The following DDR2 variants were observed in gnomAD, a reference collection of about 807,000 sequenced individuals.
DDR2 encodes the protein discoidin domain receptor tyrosine kinase 2.
In DDR2, 27 loss-of-function variants were observed where a neutral mutation model predicts 94.9. The observed-to-expected ratio is 0.28, with a 90% CI of 0.21 to 0.39. DDR2 has a LOEUF of 0.39. DDR2 is among the 10% of genes least tolerant of loss of function. The pLI is 1.00. For synonymous variants in DDR2, 382 were observed against 377.2 expected (o/e 1.01, Z -0.15); for missense variants, 783 against 1,076.0 (o/e 0.73, Z 3.81).
intron 3 of DDR2, among the ~76,000 whole-genome samples, chr1:162,733,795 A>G (rs1662168715): frequency 6.6e-6 from 1 of 152,228 alleles, no homozygotes; most frequent in Non-Finnish European, 1.5e-5. Flanking sequence ...CACAATTTCA[A>G]CAAGGAGGTA....
intron 3 of DDR2, among the ~76,000 whole-genome samples, chr1:162,729,397 A>G (rs1199965377): frequency 2.0e-5 from 3 of 149,100 alleles, no homozygotes; most frequent in Non-Finnish European, 4.4e-5. Context: ...GGATGTGGCA[A>G]GATAACCCTC....
intron 1 of DDR2, among the ~76,000 whole-genome samples, chr1:162,654,373 G>A (rs1571150505): frequency 6.6e-6 from 1 of 152,018 alleles, no homozygotes; most frequent in Non-Finnish European, 1.5e-5. Flanking sequence ...TTGAGCCTGG[G>A]GGTTCAAGGC....
At chr1:162,766,717 G>A (rs1159867286) in intron 10 of DDR2, among the ~76,000 whole-genome samples, 1 of 152,136 alleles carries the variant, frequency 6.6e-6, no homozygotes, top group African/African-American at 2.4e-5. Flanking sequence ...TCTTATGGAA[G>A]AGGGAAATAG....
rs529436164 is a variant in DDR2 at position 162,784,386 on chromosome 1, C to T, written c.*4140C>T. ...AATTTATAGACCTGGAATTTGCCAT[C>T]CTAGTCTTTCCTTTTTAGTAAGACT... is the stretch of plus-strand genomic sequence containing the variant. On this transcript the variant is annotated 3_prime_UTR_variant, in exon 18 of 18. Transcript: ENST00000367921. 113 of 154,226 alleles carry T rather than the reference C, an allele frequency of 7.3e-4. No homozygotes were observed. The highest frequency in any genetic ancestry group is 2.6e-3 in the African/African-American group (108 of 41,554). 9.6% of individuals were successfully genotyped at this position (154,226 alleles called of 1,614,324 possible).
chr1:162,651,711 T>C (rs1183726942), intron 1 of DDR2, among the ~76,000 whole-genome samples: 1 of 152,178 alleles, frequency 6.6e-6, no homozygotes, highest in African/African-American at 2.4e-5. Flanking sequence ...AAAACAATAA[T>C]CTATTGAAAT....
Position 162,761,457 on chromosome 1 carries a change from A to G in DDR2, c.1099+3A>G. The G allele has an allele frequency of 6.2e-7, 1 of 1,614,182 alleles. No homozygotes were observed. ...CAGTGAGATCACCTTCCAATCAGGT[A>G]GGGAGCTCAGGTCCTCTTTGGGAAG... On this transcript the variant is annotated splice_donor_region_variant and intron_variant, in intron 9 of 17. Coordinates refer to ENST00000367921, the MANE Select transcript of DDR2 (RefSeq NM_006182.4).
intron 1 of DDR2, among the ~76,000 whole-genome samples, chr1:162,645,828 T>A (rs1657380718): frequency 6.6e-6 from 1 of 152,182 alleles, no homozygotes; most frequent in African/African-American, 2.4e-5. Context: ...GGGTTAGCAT[T>A]GTGTTGATAT....
intron 1 of DDR2, among the ~76,000 whole-genome samples, chr1:162,654,945 A>C (rs962738635): frequency 2.4e-4 from 36 of 152,236 alleles, no homozygotes; most frequent in African/African-American, 8.7e-4. Context: ...TTTTTATAAC[A>C]ATTATTATTC....
chr1:162,706,458 C>A (rs1311305683), intron 2 of DDR2, among the ~76,000 whole-genome samples: 1 of 152,212 alleles, frequency 6.6e-6, no homozygotes, highest in Non-Finnish European at 1.5e-5. Context: ...TGAAGGAAAG[C>A]ATACATTTAC....
chr1:162,658,502 C>G (rs1658120314), intron 2 of DDR2, among the ~76,000 whole-genome samples: 1 of 151,916 alleles, frequency 6.6e-6, no homozygotes, highest in Non-Finnish European at 1.5e-5. Context: ...TGTCCCTCCA[C>G]CAGAGAGAGA....
Position 162,785,231 on chromosome 1 carries a change from G to A in DDR2, c.*4985G>A, listed in dbSNP as rs1174531283. The stretch of plus-strand genomic sequence containing the variant: ...TCTAGATGCTTCCTGCTGCTTCTAC[G>A]TGAGTAGGATTAGCACTGGGGACAA... On this transcript the variant is annotated 3_prime_UTR_variant, in exon 18 of 18. Transcript: ENST00000367921. The A allele has an allele frequency of 2.0e-5, 3 of 152,100 alleles. No individual in the cohort carries two copies. The highest frequency in any genetic ancestry group is 4.8e-5 in the African/African-American group (2 of 41,420). 9.4% of individuals were successfully genotyped at this position (152,100 alleles called of 1,614,324 possible).
chr1:162,742,788 G>A (rs947952611), intron 3 of DDR2, among the ~76,000 whole-genome samples: 1 of 152,202 alleles, frequency 6.6e-6, no homozygotes, highest in Non-Finnish European at 1.5e-5. Context: ...CCACATAGCC[G>A]GGGAGGCCTC....
intron 1 of DDR2, among the ~76,000 whole-genome samples, chr1:162,635,618 G>C (rs1487181314): frequency 1.3e-5 from 2 of 152,170 alleles, no homozygotes; most frequent in Non-Finnish European, 2.9e-5. Context: ...GATCGACTCT[G>C]TCCCAACAAT....
rs553743859 is a variant in DDR2, at chr1:162,703,917, C to T, written c.-27-15120C>T. Among the ~76,000 whole-genome samples the T allele has an allele frequency of 3.3e-5, 5 of 152,286 alleles. No individual in the cohort carries two copies. In the South Asian group the frequency reaches 1.0e-3, roughly 32 times the overall value. On this transcript the variant is annotated intron_variant, in intron 2 of 17. Coordinates refer to ENST00000367921, the MANE Select transcript of DDR2 (RefSeq NM_006182.4). ...CCCATGGGATTGATGACATCATACG[C>T]CATTGGCTCCTATTGCACACAAGAG...
Position 162,767,261 on chromosome 1 carries a change from C to G in DDR2, c.1195C>G (p.Arg399Gly). Reference protein sequence around the residue: ...PMLKVDDSNTRILIGCLVAII... With the variant: ...PMLKVDDSNTGILIGCLVAII... Reference sequence around the variant, plus strand: ...GCTTAAAGTTGATGACAGCAACACTCGGATCCTGATTGGCTGCTTGGTGGC... The same window carrying G: ...GCTTAAAGTTGATGACAGCAACACTGGGATCCTGATTGGCTGCTTGGTGGC... The change falls in exon 11 of 18, where the codon CGG becomes GGG. Residue 399 changes from arginine (R) to glycine (G), a missense_variant. Arg to Gly is a moderately radical substitution (Grantham distance 125). Coordinates refer to ENST00000367921, the MANE Select transcript of DDR2 (RefSeq NM_006182.4). 1 of 1,614,090 alleles carries G rather than the reference C, an allele frequency of 6.2e-7. No individual in the cohort carries two copies. Among genetic ancestry groups the G allele is most frequent in the Non-Finnish European group, 8.5e-7 (1 of 1,179,996 alleles).
intron 3 of DDR2, among the ~76,000 whole-genome samples, chr1:162,732,324 C>T (rs1344274915): frequency 2.0e-5 from 3 of 152,196 alleles, no homozygotes; most frequent in Non-Finnish European, 4.4e-5. Context: ...CTGAAACAGC[C>T]TGCTCTGTGA....
At chr1:162,727,346 ATATG>A (rs946400435) in intron 3 of DDR2, among the ~76,000 whole-genome samples, 11 of 142,598 alleles carry the variant, frequency 7.7e-5, no homozygotes, top group African/African-American at 2.8e-4. Flanking sequence ...ACACACATAT[ATATG>A]TGAGTATATT....
At chr1:162,729,300 A>ATATATATATATTTTTTTTTT (rs1416872679) in intron 3 of DDR2, among the ~76,000 whole-genome samples, 1 of 94,016 alleles carries the variant, frequency 1.1e-5, no homozygotes, top group African/African-American at 5.3e-5. Flanking sequence ...ATATATATAT[A>ATATATATATATTTTTTTTTT]TTTTTTTTTT....
chr1:162,677,058 A>G (rs765453593), intron 2 of DDR2, among the ~76,000 whole-genome samples: 33 of 152,290 alleles, frequency 2.2e-4, no homozygotes, highest in African/African-American at 7.0e-4. Flanking sequence ...ACCAAAAACA[A>G]TATTATGCGA....
Sources: gnomAD v4.1 joint callset for allele counts (sites outside exome capture counted in the v4.1 genomes callset) on GRCh38, gnomAD v4.1.1 for gene constraint, MANE v1.5 for transcripts, NCBI Gene and HGNC (gene_info 2026-07-23, HGNC 2026-07-21) for gene names.